Variants in NFAM1 observed in about 807,000 individuals in gnomAD.
NFAM1 encodes the protein NFAT activating protein with ITAM motif 1, also known as NFAT activation molecule 1.
In NFAM1, 17 loss-of-function variants were observed where a neutral mutation model predicts 29.0. That is an observed-to-expected ratio of 0.59 (90% CI 0.40 to 0.88). The LOEUF is 0.88. Among genes scored for constraint, NFAM1 ranks in the 40% least tolerant of loss-of-function variants. NFAM1 has a pLI of 0.00. For synonymous variants in NFAM1, 175 were observed against 147.2 expected (o/e 1.19, Z -1.36); for missense variants, 324 against 344.6 (o/e 0.94, Z 0.47).
At chr22:42,407,408 G>A (rs1446393501) in intron 3 of NFAM1, among the ~76,000 whole-genome samples, 9 of 151,652 alleles carry the variant, frequency 5.9e-5, no homozygotes, top group South Asian at 2.1e-4. Context: ...TGAGACTGTC[G>A]CCCAGGCTGG....
intron 4 of NFAM1, among the ~76,000 whole-genome samples, chr22:42,395,363 CT>C (rs1343674851): frequency 6.6e-6 from 1 of 151,884 alleles, no homozygotes; most frequent in Non-Finnish European, 1.5e-5. Context: ...GTAATCCCAG[CT>C]ACTCAGGAGG....
intron 3 of NFAM1, among the ~76,000 whole-genome samples, chr22:42,404,094 A>T (rs1929814011): frequency 6.6e-6 from 1 of 151,946 alleles, no homozygotes; most frequent in African/African-American, 2.4e-5. Context: ...TTCATGCATC[A>T]CCAGTTCTTA....
intron 1 of NFAM1, among the ~76,000 whole-genome samples, chr22:42,418,128 G>A (rs917811273): frequency 6.6e-6 from 1 of 152,212 alleles, no homozygotes. Context: ...GGGGCGATGA[G>A]CGGGGGCGTT....
chr22:42,430,388 T>C (rs1005527272), intron 1 of NFAM1, among the ~76,000 whole-genome samples: 2 of 152,144 alleles, frequency 1.3e-5, no homozygotes, highest in African/African-American at 4.8e-5. Flanking sequence ...GGCAAAACTC[T>C]GTCTCTACTA....
intron 1 of NFAM1, among the ~76,000 whole-genome samples, chr22:42,417,518 C>T (rs1930299828): frequency 6.6e-6 from 1 of 152,030 alleles, no homozygotes; most frequent in Non-Finnish European, 1.5e-5. Flanking sequence ...ACTTCCCTTC[C>T]ACTTAGAGAG....
At position 42,432,283 on chromosome 22, in the gene NFAM1, C is replaced by G; in HGVS notation, c.75G>C (p.Trp25Cys). 1 of 1,572,680 alleles carries G rather than the reference C, an allele frequency of 6.4e-7. No homozygotes were observed. Among genetic ancestry groups the G allele is most frequent in the Non-Finnish European group, 8.6e-7 (1 of 1,158,650 alleles). Residue 25 changes from tryptophan (W) to cysteine (C), a missense_variant, in exon 1 of 6, where the codon TGG (tryptophan) becomes TGC (cysteine). By Grantham distance (215) the Trp-to-Cys change is radical. Transcript: ENST00000329021. Reference sequence around the variant, plus strand: ...GCAGCAGCAGCACGCCAAGGAGGAGCCAGGGGGCTGCGGGGAGCCCAGGAG... The same window carrying G: ...GCAGCAGCAGCACGCCAAGGAGGAGGCAGGGGGCTGCGGGGAGCCCAGGAG... ...PRPPGLPAAP[W>C]LLLGVLLLPG...
At chr22:42,392,452 G>A (rs1285944242) in intron 4 of NFAM1, among the ~76,000 whole-genome samples, 1 of 152,092 alleles carries the variant, frequency 6.6e-6, no homozygotes, top group Non-Finnish European at 1.5e-5. Context: ...TTGCAAGCCT[G>A]TAGAGAGAAA....
rs1231194201 is a variant in NFAM1, at chr22:42,388,685, G to T, written c.664-1607C>A. On this transcript the variant is annotated intron_variant, in intron 4 of 5. Transcript: ENST00000329021. This position sits in a 1 kb window ranked among gnomAD's most constrained non-coding sequence, Gnocchi z 4.1. The stretch of plus-strand genomic sequence containing the variant: ...GGAGGGAGGCAGGCGCCAAGAGGCA[G>T]CTGGGCATGAAAATCCAAGTAATAA... Among the ~76,000 whole-genome samples the T allele has an allele frequency of 6.6e-6, 1 of 152,194 alleles. No individual in the cohort carries two copies. Among genetic ancestry groups the T allele is most frequent in the Non-Finnish European group, 1.5e-5 (1 of 68,030 alleles).
At chr22:42,411,019 CTTTT>C (rs138369373) in intron 2 of NFAM1, among the ~76,000 whole-genome samples, 3 of 121,776 alleles carry the variant, frequency 2.5e-5, no homozygotes, top group South Asian at 2.5e-4. Context: ...CTTTTCTTTT[CTTTT>C]TTTTTTTTTT....
intron 1 of NFAM1, among the ~76,000 whole-genome samples, chr22:42,423,473 C>T (rs754971813): frequency 2.6e-4 from 39 of 152,232 alleles, no homozygotes; most frequent in Non-Finnish European, 4.7e-4. Flanking sequence ...CCAGCATTTT[C>T]GGAGGCCAAG....
intron 5 of NFAM1, among the ~76,000 whole-genome samples, chr22:42,385,677 C>T (rs769295486): frequency 6.6e-6 from 1 of 151,824 alleles, no homozygotes; most frequent in Non-Finnish European, 1.5e-5. Flanking sequence ...ATGGGGTCAG[C>T]GACCTATTCC....
chr22:42,432,191 T>C, intron 1 of NFAM1, 46 bp downstream of exon 1: 1 of 1,498,646 alleles, frequency 6.7e-7, no homozygotes, highest in Non-Finnish European at 9.1e-7. Context: ...GCCGCTCTGA[T>C]GTTCTGGAGC....
rs964204212 is a variant in NFAM1 at position 42,384,995 on chromosome 22, T to TG, written c.*165dup. On this transcript the variant is annotated 3_prime_UTR_variant, in exon 6 of 6. Coordinates refer to ENST00000329021, the MANE Select transcript of NFAM1 (RefSeq NM_145912.8). Reference sequence around the variant, plus strand: ...AAGCCTTGGTGGTTGGGGCATAGAATGGGGGGGCAGTGGGGCCGGCCAAGA... The same window carrying TG: ...AAGCCTTGGTGGTTGGGGCATAGAATGGGGGGGGCAGTGGGGCCGGCCAAGA... 297 of 690,114 alleles carry TG rather than the reference T, an allele frequency of 4.3e-4. No individual in the cohort carries two copies. Among genetic ancestry groups the TG allele is most frequent in the Non-Finnish European group, 6.2e-4 (236 of 382,610 alleles). The allele number at this position is 690,114 out of a possible 1,614,324, so 42.7% of individuals were successfully genotyped here.
At chr22:42,435,815 C>CTTTTTTT (rs890914167), upstream of NFAM1, among the ~76,000 whole-genome samples, 1 of 94,258 alleles carries the variant, frequency 1.1e-5, no homozygotes, top group East Asian at 2.4e-4. Flanking sequence ...TTTTCTTCTT[C>CTTTTTTT]TTTTTTTTTT....
At chr22:42,421,858 T>C (rs1315856605) in intron 1 of NFAM1, among the ~76,000 whole-genome samples, 3 of 149,710 alleles carry the variant, frequency 2.0e-5, no homozygotes, top group Non-Finnish European at 4.4e-5. Context: ...TAAAGGCCCA[T>C]CTGAAAGGCT....
At chr22:42,432,176 T>C in intron 1 of NFAM1, 61 bp downstream of exon 1, 3 of 1,449,356 alleles carry the variant, frequency 2.1e-6, no homozygotes, top group Non-Finnish European at 2.8e-6. Context: ...CCGGGCGGGA[T>C]GAAAGCCGCT....
intron 3 of NFAM1, among the ~76,000 whole-genome samples, chr22:42,404,000 G>T (rs749286545): frequency 6.6e-6 from 1 of 152,134 alleles, no homozygotes; most frequent in Non-Finnish European, 1.5e-5. Context: ...AAGGGCCTGC[G>T]GGCAGGGCTG....
chr22:42,420,720 C>T (rs1456802394), intron 1 of NFAM1, among the ~76,000 whole-genome samples: 1 of 145,842 alleles, frequency 6.9e-6, no homozygotes, highest in Non-Finnish European at 1.5e-5. Context: ...GAGCCGAGAT[C>T]ACGCACGCCA....
At chr22:42,385,903 AC>A (rs974406517) in intron 5 of NFAM1, among the ~76,000 whole-genome samples, 2 of 152,172 alleles carry the variant, frequency 1.3e-5, no homozygotes, top group African/African-American at 4.8e-5. Context: ...GCACTCCCTG[AC>A]AGATGTTCCA....
Sources: gnomAD v4.1 joint callset for allele counts (sites outside exome capture counted in the v4.1 genomes callset) on GRCh38, gnomAD v4.1.1 for gene constraint, Gnocchi (gnomAD v3.1) non-coding constraint, MANE v1.5 for transcripts, NCBI Gene and HGNC (gene_info 2026-07-23, HGNC 2026-07-21) for gene names.